QARS1: variants seen among roughly 807,000 people sequenced by gnomAD.
QARS1 encodes the protein glutamine--tRNA ligase.
QARS1 carries 79 observed loss-of-function variants against 106.9 expected under a neutral mutation model. The observed-to-expected ratio is 0.74, with a 90% CI of 0.62 to 0.89. The LOEUF is 0.89. Ranked by LOEUF, QARS1 falls within the 40% of genes least tolerant of loss-of-function variation. QARS1 has a pLI of 0.00. For missense variants in QARS1, 966 were observed against 997.2 expected (o/e 0.97, Z 0.42); for synonymous variants, 395 against 367.7 (o/e 1.07, Z -0.85).
At chr3:49,102,808 A>G (rs911731740) in intron 5 of QARS1, 3 of 381,804 alleles carry the variant, frequency 7.9e-6, no homozygotes, top group African/African-American at 6.3e-5. Flanking sequence ...ACACCCAGCT[A>G]ATTTTTGTAC....
At chr3:49,098,773 AAAGATTGGTTC>A in intron 19 of QARS1, 81 bp from the exon 20 acceptor site, 1 of 1,506,942 alleles carries the variant, frequency 6.6e-7, no homozygotes, top group Non-Finnish European at 9.1e-7. Flanking sequence ...CGTGTCTGGC[AAAGATTGGTTC>A]ATCTGAAGCA....
At chr3:49,101,022 G>A (rs559641104) in intron 10 of QARS1, among the ~76,000 whole-genome samples, 1 of 152,258 alleles carries the variant, frequency 6.6e-6, no homozygotes, top group African/African-American at 2.4e-5. Context: ...GATTACAGGC[G>A]TGAGCCACCC....
rs2042496370 is a variant in QARS1, at chr3:49,103,406, T to G, written c.455A>C (p.Glu152Ala). 1 of 1,614,012 alleles carries G rather than the reference T, an allele frequency of 6.2e-7. No individual in the cohort carries two copies. The highest frequency in any genetic ancestry group is 8.5e-7 in the Non-Finnish European group (1 of 1,180,000). ...TGCCCACTTCAGCACAGCCCGAGCC[T>G]CTCCTAGAAGCATAGGCACAAGGAG... Reference protein sequence around the residue: ...YHFNMGLLMGEARAVLKWADG... With the variant: ...YHFNMGLLMGAARAVLKWADG... Residue 152 changes from glutamate (E) to alanine (A), a missense_variant, in exon 5 of 24, where the codon GAG becomes GCG. Transcript: ENST00000306125.
In QARS1 at chr3:49,101,345, A is replaced by G. The variant is rs772071801; in HGVS notation, c.876+10T>C. ...CATCTTGCTTGCCAGGTCCCTAGACACATGCTTACCTTGGCATAGCCAAAG... is the reference window on the plus strand; with the variant it reads ...CATCTTGCTTGCCAGGTCCCTAGACGCATGCTTACCTTGGCATAGCCAAAG... On this transcript the variant is annotated intron_variant, in intron 10 of 23. Transcript: ENST00000306125. 29 of 1,599,636 alleles carry G rather than the reference A, an allele frequency of 1.8e-5. No individual in the cohort carries two copies. Among genetic ancestry groups the G allele is most frequent in the Non-Finnish European group, 2.4e-5 (28 of 1,167,592 alleles).
intron 1 of QARS1, 31 bp downstream of exon 1, chr3:49,104,586 C>T (rs764803867): frequency 6.3e-7 from 1 of 1,597,354 alleles, no homozygotes; most frequent in Non-Finnish European, 8.6e-7. Context: ...GCATGGTCTG[C>T]AAACCAGGCC....
rs554429440 is a variant in QARS1, at chr3:49,100,085, G to A, written c.1171C>T (p.Arg391Cys). 1.2e-5 allele frequency: 20 copies of A among 1,614,058 alleles called. No individual in the cohort carries two copies. The highest frequency in any genetic ancestry group is 3.3e-5 in the South Asian group (3 of 91,088). The change falls in exon 14 of 24, where the codon CGC becomes TGC. Residue 391 changes from arginine to cysteine, a missense_variant. Coordinates refer to ENST00000306125, the MANE Select transcript of QARS1 (RefSeq NM_005051.3). Reference sequence around the variant, plus strand: ...TCGCCCTCTGAAAACTTGCCCTTGCGCATTGCCTGAGGGGAACAAGGACTC... The same window carrying A: ...TCGCCCTCTGAAAACTTGCCCTTGCACATTGCCTGAGGGGAACAAGGACTC... ...EESLLLFEAM[R>C]KGKFSEGEAT...
intron 23 of QARS1, among the ~76,000 whole-genome samples, chr3:49,096,606 T>G (rs2107089403): frequency 6.6e-6 from 1 of 151,858 alleles, no homozygotes; most frequent in East Asian, 2.0e-4. Flanking sequence ...GAGACCATCC[T>G]GGCTAACACG....
chr3:49,103,556 C>T, intron 4 of QARS1, 75 bp downstream of exon 4: 1 of 1,567,028 alleles, frequency 6.4e-7, no homozygotes, highest in Non-Finnish European at 8.7e-7. Context: ...CTTCCCCCAC[C>T]TCCTTCTCAC....
intron 10 of QARS1, 57 bp from the exon 11 acceptor site, chr3:49,100,731 G>GT (rs749428250): frequency 2.9e-5 from 39 of 1,368,218 alleles, no homozygotes; most frequent in Admixed American, 5.0e-5. Flanking sequence ...CCACAATCCT[G>GT]TTTATCAAAC....
chr3:49,104,013 C>T (rs1398350860), intron 2 of QARS1, 41 bp from the exon 3 acceptor site: 2 of 1,533,390 alleles, frequency 1.3e-6, no homozygotes, highest in East Asian at 2.3e-5. Flanking sequence ...ATCTCTGCTC[C>T]AAGAAGTGGA....
In QARS1 at chr3:49,100,095, A is replaced by T; in HGVS notation, c.1165-4T>A. 6.2e-7 allele frequency: 1 copy of T among 1,614,174 alleles called. No homozygotes were observed. The highest frequency in any genetic ancestry group is 1.1e-5 in the South Asian group (1 of 91,080). ...AAAACTTGCCCTTGCGCATTGCCTG[A>T]GGGGAACAAGGACTCAGGCTGTCTC... On this transcript the variant is annotated splice_region_variant and splice_polypyrimidine_tract_variant and intron_variant, in intron 13 of 23. Transcript: ENST00000306125.
intron 23 of QARS1, among the ~76,000 whole-genome samples, chr3:49,096,835 A>T (rs1559965150): frequency 1.4e-5 from 2 of 139,750 alleles, no homozygotes; most frequent in Non-Finnish European, 3.1e-5. Flanking sequence ...AAAAAAAAAA[A>T]TTTGCCGGGC....
In QARS1 at chr3:49,100,365, T is replaced by C. The variant is rs759522611; in HGVS notation, c.1055+15A>G. The C allele has an allele frequency of 1.9e-6, 3 of 1,614,120 alleles. No homozygotes were observed. The highest frequency in any genetic ancestry group is 2.2e-5 in the East Asian group (1 of 44,902). On this transcript the variant is annotated intron_variant, in intron 12 of 23. Coordinates refer to ENST00000306125, the MANE Select transcript of QARS1 (RefSeq NM_005051.3). ...AGTCAGTCTGCCTGGCTCTACGTCA[T>C]GGCCCTGGCCTTACCTGCGGATGAG...
rs2042468007 is a variant in QARS1, at chr3:49,101,371, T to C, written c.860A>G (p.Asn287Ser). The C allele has an allele frequency of 6.2e-7, 1 of 1,613,526 alleles. No homozygotes were observed. Among genetic ancestry groups the C allele is most frequent in the African/African-American group, 1.3e-5 (1 of 74,920 alleles). The change falls in exon 10 of 24, where the codon AAC becomes AGC. Residue 287 changes from asparagine to serine, a missense_variant. Asn to Ser is a conservative substitution (Grantham distance 46, BLOSUM62 1). Coordinates refer to ENST00000306125, the MANE Select transcript of QARS1 (RefSeq NM_005051.3). Reference protein sequence around the residue: ...HIGHAKAINFNFGYAKANNGI... With the variant: ...HIGHAKAINFSFGYAKANNGI... ...CATGCTTACCTTGGCATAGCCAAAGTTGAAATTGATGGCTTTGGCATGTCC... is the reference window on the plus strand; with the variant it reads ...CATGCTTACCTTGGCATAGCCAAAGCTGAAATTGATGGCTTTGGCATGTCC...
chr3:49,101,205 T>C (rs1326878801), intron 10 of QARS1, 150 bp downstream of exon 10: 8 of 639,634 alleles, frequency 1.3e-5, no homozygotes, highest in South Asian at 1.9e-5. Context: ...AATAGATTCC[T>C]AGGTATCTGT....
intron 9 of QARS1, 43 bp from the exon 10 acceptor site, chr3:49,101,484 C>T (rs768231859): frequency 2.5e-6 from 4 of 1,588,674 alleles, no homozygotes; most frequent in Non-Finnish European, 3.5e-6. Flanking sequence ...AGTCTGAGCT[C>T]AGATGACCTT....
chr3:49,099,929 A>ACC, intron 14 of QARS1, 32 bp downstream of exon 14: 1 of 1,614,036 alleles, frequency 6.2e-7, no homozygotes, highest in Non-Finnish European at 8.5e-7. Flanking sequence ...CCTGCTCGGC[A>ACC]GCCCCACCAC....
chr3:49,096,798 CAAAAAAAAAAAAAAAA>C (rs770587253), intron 23 of QARS1, among the ~76,000 whole-genome samples: 51 of 14,158 alleles, frequency 3.6e-3, no homozygotes, highest in East Asian at 0.017. Flanking sequence ...GACTCCGTCT[CAAAAAAAAAAAAAAAA>C]AAAAAAAAAA....
At chr3:49,098,860 G>T in intron 19 of QARS1, 25 bp downstream of exon 19, 1 of 1,584,930 alleles carries the variant, frequency 6.3e-7, no homozygotes, top group South Asian at 1.1e-5. Flanking sequence ...AGCAGCAAAC[G>T]GGACCCTCCA....
Sources: allele counts gnomAD v4.1 joint callset (sites outside exome capture counted in the v4.1 genomes callset), GRCh38; gene constraint gnomAD v4.1.1; transcripts MANE v1.5; gene names NCBI Gene and HGNC (gene_info 2026-07-23, HGNC 2026-07-21).